Variants in PTGR2 observed in about 807,000 individuals in gnomAD.
The protein encoded by PTGR2 is 15-oxoprostaglandin 13-reductase.
In PTGR2, 32 loss-of-function variants were observed where a neutral mutation model predicts 43.4. The observed-to-expected ratio is 0.74, with a 90% confidence interval of 0.56 to 0.99. The LOEUF (loss-of-function observed/expected upper bound fraction) is 0.99. Ranked by LOEUF, PTGR2 falls within the 50% of genes least tolerant of loss-of-function variation. The pLI is 0.00. For missense variants in PTGR2, 373 were observed against 420.0 expected (o/e 0.89, Z 0.98); for synonymous variants, 106 against 139.2 (o/e 0.76, Z 1.68).
At chr14:73,859,305 G>C (rs574465648) in intron 2 of PTGR2, among the ~76,000 whole-genome samples, 1 of 152,208 alleles carries the variant, frequency 6.6e-6, no homozygotes, top group East Asian at 1.9e-4. Context: ...CATAAAAACA[G>C]ATATGGAAAG....
At position 73,882,421 on chromosome 14, in the gene PTGR2, G is replaced by A. The variant is rs932563237; in HGVS notation, c.962G>A (p.Gly321Glu). The change falls in exon 9 of 10, where the codon GGG (glycine) becomes GAG (glutamate). Residue 321 changes from glycine to glutamate, a missense_variant. By Grantham distance (98) the Gly-to-Glu change is moderately conservative. Coordinates refer to ENST00000555661, the MANE Select transcript of PTGR2 (RefSeq NM_001146154.2). ...KLKIKETVIN[G>E]LENMGAAFQS... ...CAGATTAAAGAGACGGTAATAAATG[G>A]GTTGGAAAACATGGGAGGTAAGATG... 3.2e-6 allele frequency: 5 copies of A among 1,575,828 alleles called. No homozygotes were observed. The highest frequency in any genetic ancestry group is 4.4e-6 in the Non-Finnish European group (5 of 1,146,062).
In PTGR2 at chr14:73,860,620, A is replaced by G; in HGVS notation, c.119A>G (p.Gln40Arg). ...GATAATATTAATGAAGGACAAGTAC[A>G]AGTTAGAACTCTTTATCTTTCTGTG... ...LPDNINEGQV[Q>R]VRTLYLSVDP... Residue 40 changes from glutamine to arginine, a missense_variant, in exon 3 of 10, where the codon CAA becomes CGA. Coordinates refer to ENST00000555661, the MANE Select transcript of PTGR2 (RefSeq NM_001146154.2). 8.4e-6 allele frequency: 13 copies of G among 1,549,076 alleles called. No homozygotes were observed. The highest frequency in any genetic ancestry group is 1.1e-5 in the Non-Finnish European group (12 of 1,128,800).
chr14:73,875,025 A>AT (rs1220763079), intron 4 of PTGR2, among the ~76,000 whole-genome samples: 2 of 151,528 alleles, frequency 1.3e-5, no homozygotes, highest in Non-Finnish European at 2.9e-5. Flanking sequence ...CGCCCAGCTA[A>AT]TTTTTTTTAT....
chr14:73,879,995 C>G, intron 6 of PTGR2, 60 bp from the exon 7 acceptor site: 1 of 1,543,196 alleles, frequency 6.5e-7, no homozygotes, highest in Non-Finnish European at 8.9e-7. Flanking sequence ...TCCATTATGG[C>G]AGCCATAAAA....
chr14:73,859,710 C>G (rs2054441065), intron 2 of PTGR2, among the ~76,000 whole-genome samples: 1 of 151,078 alleles, frequency 6.6e-6, no homozygotes, highest in African/African-American at 2.4e-5. Flanking sequence ...ATTTAAGTTT[C>G]TATTTGCTTC....
intron 4 of PTGR2, 58 bp from the exon 5 acceptor site, chr14:73,876,940 T>G: frequency 1.5e-6 from 2 of 1,347,866 alleles, no homozygotes; most frequent in Non-Finnish European, 1.0e-6. Flanking sequence ...TTGTCTCTAC[T>G]TTGTTGTCTC....
intron 4 of PTGR2, 100 bp from the exon 5 acceptor site, chr14:73,876,898 T>A: frequency 1.3e-6 from 1 of 795,952 alleles, no homozygotes; most frequent in African/African-American, 1.7e-5. Context: ...ACTATATAAA[T>A]GTTGTGGGGA....
At chr14:73,860,398 C>A in intron 2 of PTGR2, 141 bp from the exon 3 acceptor site, 1 of 466,988 alleles carries the variant, frequency 2.1e-6, no homozygotes, top group Non-Finnish European at 3.9e-6. Context: ...ACCCAGGAGG[C>A]AGAGGTTGCA....
chr14:73,877,663 T>G (rs2054896203), intron 5 of PTGR2: 1 of 152,172 alleles, frequency 6.6e-6, no homozygotes, highest in Non-Finnish European at 1.5e-5. Context: ...ATGAAAAATG[T>G]AGATTTTAGT....
intron 1 of PTGR2, among the ~76,000 whole-genome samples, chr14:73,853,059 G>A (rs2054267472): frequency 3.3e-5 from 5 of 152,060 alleles, no homozygotes. Flanking sequence ...GGCCTCAAGT[G>A]AGCCTCCCAC....
intron 9 of PTGR2, among the ~76,000 whole-genome samples, chr14:73,883,360 CTTT>C (rs111478120): frequency 7.0e-6 from 1 of 142,052 alleles, no homozygotes; most frequent in Non-Finnish European, 1.5e-5. Context: ...TATGCCCAAC[CTTT>C]TTTTTTTTTT....
rs1233987233 is a variant in PTGR2 at position 73,885,079 on chromosome 14, CAG to C, written c.*903_*904del. Reference sequence around the variant, plus strand: ...CAGAGGCGGGCAGATCACTTGAGGTCAGGAGTTCAAGACCAGCCTGGCCAACA... The same window carrying C: ...CAGAGGCGGGCAGATCACTTGAGGTCGAGTTCAAGACCAGCCTGGCCAACA... On this transcript the variant is annotated 3_prime_UTR_variant, in exon 10 of 10. Transcript: ENST00000555661. The C allele has an allele frequency of 6.6e-6, 1 of 152,144 alleles. No individual in the cohort carries two copies. The highest frequency in any genetic ancestry group is 1.5e-5 in the Non-Finnish European group (1 of 68,044). 9.4% of individuals were successfully genotyped at this position (152,144 alleles called of 1,614,324 possible).
intron 1 of PTGR2, chr14:73,858,613 C>A: frequency 2.9e-6 from 1 of 342,716 alleles, no homozygotes; most frequent in Non-Finnish European, 5.5e-6. Context: ...GAACTTGTTC[C>A]TATTAGTTAA....
intron 2 of PTGR2, among the ~76,000 whole-genome samples, chr14:73,859,173 G>C (rs2054429855): frequency 6.6e-6 from 1 of 152,106 alleles, no homozygotes; most frequent in Non-Finnish European, 1.5e-5. Context: ...TGTCTGAAAG[G>C]TTACATTACA....
In PTGR2 at chr14:73,885,260, G is replaced by A. The variant is rs1317613165; in HGVS notation, c.*1083G>A. 1.3e-5 allele frequency: 2 copies of A among 152,288 alleles called. No homozygotes were observed. Among genetic ancestry groups the A allele is most frequent in the Non-Finnish European group, 2.9e-5 (2 of 68,084 alleles). 9.4% of individuals were successfully genotyped at this position (152,288 alleles called of 1,614,324 possible). ...GCTGAGCTTGCACCATTGCACTCCA[G>A]CCTGGGCGACAAGAGTGAAATTCCA... On this transcript the variant is annotated 3_prime_UTR_variant, in exon 10 of 10. Coordinates refer to ENST00000555661, the MANE Select transcript of PTGR2 (RefSeq NM_001146154.2).
intron 2 of PTGR2, among the ~76,000 whole-genome samples, chr14:73,859,282 A>G (rs191385036): frequency 3.9e-5 from 6 of 152,250 alleles, no homozygotes; most frequent in African/African-American, 1.4e-4. Context: ...CAGTGCTGAC[A>G]TGTAAACTGC....
intron 3 of PTGR2, chr14:73,861,396 TC>T (rs1367256786): frequency 6.6e-6 from 1 of 152,202 alleles, no homozygotes; most frequent in African/African-American, 2.4e-5. Flanking sequence ...TCTAACTTTT[TC>T]CTATGGCCAT....
intron 9 of PTGR2, among the ~76,000 whole-genome samples, 154 bp downstream of exon 9, chr14:73,882,592 C>T (rs1243583448): frequency 6.6e-6 from 1 of 152,082 alleles, no homozygotes; most frequent in African/African-American, 2.4e-5. Context: ...GCTCCGCCTT[C>T]CAGGCTCACG....
At chr14:73,875,696 A>G (rs1208994656) in intron 4 of PTGR2, among the ~76,000 whole-genome samples, 2 of 150,752 alleles carry the variant, frequency 1.3e-5, no homozygotes, top group Non-Finnish European at 2.9e-5. Context: ...AGAGACTTAA[A>G]GATCTTCCAT....
Sources: gnomAD v4.1 joint callset for allele counts (sites outside exome capture counted in the v4.1 genomes callset) on GRCh38, gnomAD v4.1.1 for gene constraint, MANE v1.5 for transcripts, NCBI Gene and HGNC (gene_info 2026-07-23, HGNC 2026-07-21) for gene names.